Variants in ZNF217 observed in about 807,000 individuals in gnomAD.
ZNF217 encodes the protein zinc finger protein 217.
A neutral mutation model predicts 73.3 loss-of-function variants in ZNF217; 12 were observed. The ratio of observed to expected loss-of-function variants is 0.16; its 90% CI spans 0.10 to 0.27. ZNF217 has a LOEUF of 0.27. Among genes scored for constraint, ZNF217 ranks in the 10% least tolerant of loss-of-function variants. ZNF217 has a pLI of 1.00. For synonymous variants in ZNF217, 588 were observed against 516.4 expected (o/e 1.14, Z -1.88); for missense variants, 1,195 against 1,327.8 (o/e 0.90, Z 1.55).
At chr20:53,572,476 A>T (rs943520814) in intron 4 of ZNF217, among the ~76,000 whole-genome samples, 8 of 152,254 alleles carry the variant, frequency 5.3e-5, no homozygotes, top group Non-Finnish European at 1.0e-4. Context: ...TTCCCCCTTT[A>T]AGTAAAGACA....
chr20:53,589,845 T>C (rs1186851194), intron 1 of ZNF217, among the ~76,000 whole-genome samples: 2 of 152,072 alleles, frequency 1.3e-5, no homozygotes, highest in Non-Finnish European at 2.9e-5. Flanking sequence ...TTTCCTGCCG[T>C]CTTTGTGTAA....
chr20:53,580,681 T>C (rs1029716132), intron 2 of ZNF217, among the ~76,000 whole-genome samples: 1 of 152,178 alleles, frequency 6.6e-6, no homozygotes, highest in Non-Finnish European at 1.5e-5. Context: ...AAATGAGCCT[T>C]CTTAAAAATG....
At chr20:53,586,880 G>C (rs1239684749) in intron 1 of ZNF217, among the ~76,000 whole-genome samples, 10 of 152,196 alleles carry the variant, frequency 6.6e-5, no homozygotes, top group Admixed American at 6.5e-4. Flanking sequence ...AAAGTAAATT[G>C]TCTTTCTTGA....
At chr20:53,591,897 A>T (rs1988887965) in intron 1 of ZNF217, among the ~76,000 whole-genome samples, 2 of 152,242 alleles carry the variant, frequency 1.3e-5, no homozygotes, top group Non-Finnish European at 2.9e-5. Context: ...CAGGGGAAAG[A>T]AGTACAGTAA....
chr20:53,586,549 C>G (rs1473619933), intron 1 of ZNF217, among the ~76,000 whole-genome samples: 1 of 152,178 alleles, frequency 6.6e-6, no homozygotes, highest in African/African-American at 2.4e-5. Context: ...CTATCTCTGA[C>G]AGCAAATGCC....
intron 4 of ZNF217, chr20:53,572,718 T>C (rs985169859): frequency 6.6e-6 from 1 of 152,192 alleles, no homozygotes. Flanking sequence ...CAAACTGAAA[T>C]GTGCAAAACT....
At position 53,575,879 on chromosome 20, in the gene ZNF217, G is replaced by A. The variant is rs777419249; in HGVS notation, c.2885C>T (p.Pro962Leu). The change falls in exon 4 of 6, where the codon CCG (proline) becomes CTG (leucine). Residue 962 changes from proline to leucine, a missense_variant. Transcript: ENST00000371471. ...TSLLPQDCVY[P>L]SQALPPKPRF... Reference sequence around the variant, plus strand: ...TGGTTTGGGAGGCAGCGCCTGCGACGGATACACACAGTCCTGCGGTAACAG... The same window carrying A: ...TGGTTTGGGAGGCAGCGCCTGCGACAGATACACACAGTCCTGCGGTAACAG... 3.6e-5 allele frequency: 58 copies of A among 1,614,042 alleles called. No homozygotes were observed. Among genetic ancestry groups the A allele is most frequent in the Non-Finnish European group, 4.3e-5 (51 of 1,180,048 alleles).
Position 53,576,675 on chromosome 20 carries a change from A to G in ZNF217, c.2089T>C (p.Cys697Arg), listed in dbSNP as rs143450020. Reference sequence around the variant, plus strand: ...CTTTTACTCAAAGAAATTGCCGGGCAATTGTGAAGAGCCCCCACGGATAAA... The same window carrying G: ...CTTTTACTCAAAGAAATTGCCGGGCGATTGTGAAGAGCCCCCACGGATAAA... The part of the protein sequence containing the change: ...LNLSVGALHN[C>R]PAISLSKSLI... Residue 697 changes from cysteine to arginine, a missense_variant, in exon 4 of 6, where the codon TGC becomes CGC. By Grantham distance (180) the Cys-to-Arg change is radical. Transcript: ENST00000371471. 1.4e-3 allele frequency: 2,262 copies of G among 1,614,230 alleles called. 30 individuals are homozygous for G. In the South Asian group the frequency reaches 0.018, roughly 13 times the overall value.
In ZNF217 at chr20:53,576,280, C is replaced by G. The variant is rs753567630; in HGVS notation, c.2484G>C (p.Gly828=). 9.2e-5 allele frequency: 149 copies of G among 1,614,050 alleles called. No homozygotes were observed. Among genetic ancestry groups the G allele is most frequent in the Non-Finnish European group, 1.2e-4 (143 of 1,180,032 alleles). The change falls in exon 4 of 6, where the codon GGG becomes GGC. Residue 828 remains glycine, a synonymous_variant. Transcript: ENST00000371471. ...LKSHRPQQNV[G]VQGAATRQQQ... is the part of the protein sequence containing the mutation. ...GTTGCCTGGTGGCGGCCCCTTGGAC[C>G]CCCACATTCTGCTGTGGTCTGTGGG...
chr20:53,567,767 G>A lies in ZNF217; in HGVS notation c.*1521C>T, dbSNP rs889733333. On this transcript the variant is annotated 3_prime_UTR_variant, in exon 6 of 6. Coordinates refer to ENST00000371471, the MANE Select transcript of ZNF217 (RefSeq NM_006526.3). ...CAATGCCAACAGACTGATCTCAAAT[G>A]AGTTCTCCCTTGTAACACAGGAGCT... 4 of 152,468 alleles carry A rather than the reference G, an allele frequency of 2.6e-5. No homozygotes were observed. Among genetic ancestry groups the A allele is most frequent in the African/African-American group, 9.7e-5 (4 of 41,388 alleles). 9.4% of individuals were successfully genotyped at this position (152,468 alleles called of 1,614,324 possible).
Position 53,581,290 on chromosome 20 carries a change from G to A in ZNF217, c.1366+171C>T, listed in dbSNP as rs570007806. Among the ~76,000 whole-genome samples, 88 of 152,282 alleles carry A rather than the reference G, an allele frequency of 5.8e-4. 1 individual carries two copies. Among genetic ancestry groups the A allele is most frequent in the African/African-American group, 2.1e-3 (86 of 41,552 alleles). On this transcript the variant is annotated intron_variant, in intron 2 of 5. Transcript: ENST00000371471. This position sits in a 1 kb window ranked among gnomAD's most constrained non-coding sequence, Gnocchi z 4.9. ...ACAGAAATGAGAAAATTAAGGCCCT[G>A]AGAGGTTAAATGACTTACACAGAGT... is the stretch of plus-strand genomic sequence containing the variant.
chr20:53,586,550 A>G (rs1005637978), intron 1 of ZNF217, among the ~76,000 whole-genome samples: 2 of 152,208 alleles, frequency 1.3e-5, no homozygotes, highest in Non-Finnish European at 2.9e-5. Context: ...TATCTCTGAC[A>G]GCAAATGCCT....
chr20:53,577,922 G>A (rs1316337819), intron 3 of ZNF217, among the ~76,000 whole-genome samples: 2 of 152,130 alleles, frequency 1.3e-5, no homozygotes, highest in African/African-American at 2.4e-5. Context: ...AACCAGCCTG[G>A]CCAGCATGGT....
intron 4 of ZNF217, chr20:53,574,405 C>T (rs772540617): frequency 6.6e-6 from 1 of 152,214 alleles, no homozygotes; most frequent in Non-Finnish European, 1.5e-5. Flanking sequence ...TATTCTGCCC[C>T]GTGTGGGAAG....
At chr20:53,590,917 G>C (rs186506067) in intron 1 of ZNF217, among the ~76,000 whole-genome samples, 61 of 152,228 alleles carry the variant, frequency 4.0e-4, no homozygotes, top group African/African-American at 1.3e-3. Context: ...AAGGGGATTA[G>C]GGGCTCCTAC....
At chr20:53,586,624 T>G (rs1367929297) in intron 1 of ZNF217, among the ~76,000 whole-genome samples, 1 of 152,192 alleles carries the variant, frequency 6.6e-6, no homozygotes, top group African/African-American at 2.4e-5. Context: ...TCTAAGACAA[T>G]GAATAATACT....
intron 4 of ZNF217, among the ~76,000 whole-genome samples, chr20:53,574,172 GA>G (rs1988141078): frequency 6.6e-6 from 1 of 152,126 alleles, no homozygotes; most frequent in Non-Finnish European, 1.5e-5. Flanking sequence ...TTACGACAAG[GA>G]AAAGAAAACT....
chr20:53,586,636 T>C (rs768711483), intron 1 of ZNF217, among the ~76,000 whole-genome samples: 1 of 152,246 alleles, frequency 6.6e-6, no homozygotes, highest in Non-Finnish European at 1.5e-5. Context: ...AATAATACTT[T>C]AAACCAGGTT....
In ZNF217 at chr20:53,568,140, C is replaced by T. The variant is rs575050580; in HGVS notation, c.*1148G>A. ...AGGTCTAGAAACAGATTTTCTCTTT[C>T]TAGACTCCCAGCGGGCTCGGCCAGC... On this transcript the variant is annotated 3_prime_UTR_variant, in exon 6 of 6. Transcript: ENST00000371471. 1 of 152,288 alleles carries T rather than the reference C, an allele frequency of 6.6e-6. No homozygotes were observed. Among genetic ancestry groups the T allele is most frequent in the East Asian group, 1.9e-4 (1 of 5,188 alleles). The allele number at this position is 152,288 out of a possible 1,614,324, so 9.4% of individuals were successfully genotyped here.
Sources: gnomAD v4.1 joint callset for allele counts (sites outside exome capture counted in the v4.1 genomes callset) on GRCh38, gnomAD v4.1.1 for gene constraint, Gnocchi (gnomAD v3.1) non-coding constraint, MANE v1.5 for transcripts, NCBI Gene and HGNC (gene_info 2026-07-23, HGNC 2026-07-21) for gene names.